Variants in NFATC1 observed in about 807,000 individuals in gnomAD.
The protein encoded by NFATC1 is nuclear factor of activated T cells 1, also known as nuclear factor of activated T-cells, cytoplasmic 1.
NFATC1 carries 22 observed loss-of-function variants against 76.0 expected under a neutral mutation model. That is an observed-to-expected ratio of 0.29 (90% CI 0.21 to 0.41). The LOEUF (loss-of-function observed/expected upper bound fraction) is 0.41. NFATC1 is among the 10% of genes least tolerant of loss of function. The pLI is 1.00. For missense variants in NFATC1, 1,357 were observed against 1,337.7 expected (o/e 1.01, Z -0.23); for synonymous variants, 704 against 613.1 (o/e 1.15, Z -2.19).
At chr18:79,426,981 G>A (rs1033595647) in intron 2 of NFATC1, among the ~76,000 whole-genome samples, 7 of 152,242 alleles carry the variant, frequency 4.6e-5, no homozygotes, top group African/African-American at 7.2e-5. Context: ...GAAGCCTGCC[G>A]GCATGGGTTG....
chr18:79,396,217 C>T lies in NFATC1; in HGVS notation c.-8C>T. ...CCCGCCGCTCCACTCCCCGCCGCCG[C>T]CGCGCGGATGCCAAGCACCAGCTTT... On this transcript the variant is annotated 5_prime_UTR_variant, in exon 1 of 10. Transcript: ENST00000427363. The T allele has an allele frequency of 3.4e-6, 5 of 1,483,056 alleles. No individual in the cohort carries two copies. Among genetic ancestry groups the T allele is most frequent in the South Asian group, 2.5e-5 (2 of 80,166 alleles). The allele number at this position is 1,483,056 out of a possible 1,614,324, so 91.9% of individuals were successfully genotyped here. A position where few individuals can be genotyped will look rare whatever the true frequency, so the allele number is the denominator to read the frequency against.
At chr18:79,511,587 G>C (rs951815415) in intron 9 of NFATC1, among the ~76,000 whole-genome samples, 3 of 152,178 alleles carry the variant, frequency 2.0e-5, no homozygotes, top group Non-Finnish European at 2.9e-5. Context: ...CGTAGCCTGA[G>C]CTGTGGAGGG....
intron 6 of NFATC1, among the ~76,000 whole-genome samples, chr18:79,452,363 GGT>G (rs2087512440): frequency 6.6e-6 from 1 of 152,232 alleles, no homozygotes; most frequent in Non-Finnish European, 1.5e-5. Context: ...CCTGCCTCCA[GGT>G]GTTGCGCTGG....
chr18:79,513,081 C>T (rs555910608), intron 9 of NFATC1, among the ~76,000 whole-genome samples: 7 of 152,222 alleles, frequency 4.6e-5, no homozygotes, highest in Admixed American at 3.3e-4. Flanking sequence ...GTATCACTTT[C>T]GAACGCTCGG....
At chr18:79,441,576 G>T (rs1194195047) in intron 3 of NFATC1, among the ~76,000 whole-genome samples, 1 of 152,198 alleles carries the variant, frequency 6.6e-6, no homozygotes, top group Non-Finnish European at 1.5e-5. Flanking sequence ...GGTGGGCTGT[G>T]ACCTGAGCCC....
At position 79,492,560 on chromosome 18, in the gene NFATC1, T is replaced by A. The variant is rs2089710855; in HGVS notation, c.2782+5623T>A. On this transcript the variant is annotated intron_variant, in intron 9 of 9. Transcript: ENST00000427363. ...CCATCTCTACTAAAAATACAAAAAA[T>A]TAGCCGGGAGTGGTGGCGGGCGCCT... Among the ~76,000 whole-genome samples the A allele has an allele frequency of 2.0e-5, 3 of 152,018 alleles. No individual in the cohort carries two copies. In the South Asian group the frequency reaches 6.2e-4, roughly 32 times the overall value.
chr18:79,409,502 C>T (rs1174240963), intron 1 of NFATC1, among the ~76,000 whole-genome samples: 1 of 151,850 alleles, frequency 6.6e-6, no homozygotes, highest in Admixed American at 6.6e-5. Context: ...TTCATCCATC[C>T]ATCCGTTTAG....
intron 2 of NFATC1, among the ~76,000 whole-genome samples, chr18:79,419,239 A>G (rs11875260): frequency 0.27 from 41,758 of 152,062 alleles, 8,891 homozygotes; most frequent in African/African-American, 0.6. Context: ...TCCAGGGCTG[A>G]TCTGGAACTC....
chr18:79,469,629 C>T (rs1015517486), intron 8 of NFATC1: 15 of 985,842 alleles, frequency 1.5e-5, no homozygotes, highest in African/African-American at 1.7e-5. Flanking sequence ...CCCAGTGTCT[C>T]GGCTGCACCC....
chr18:79,511,669 T>G (rs111304587), intron 9 of NFATC1, among the ~76,000 whole-genome samples: 9,250 of 152,096 alleles, frequency 0.061, 411 homozygotes, highest in Admixed American at 0.096. Context: ...CCTGAGGCAG[T>G]CAGGGCCTGG....
chr18:79,524,669 A>G lies in NFATC1; in HGVS notation c.2783-2859A>G, dbSNP rs886866161. 3.9e-5 allele frequency among the ~76,000 whole-genome samples: 6 copies of G among 152,120 alleles called. 1 individual carries two copies. Among genetic ancestry groups the G allele is most frequent in the East Asian group, 3.9e-4 (2 of 5,162 alleles). On this transcript the variant is annotated intron_variant, in intron 9 of 9. Transcript: ENST00000427363. The surrounding 1 kb of genome is among the most constrained non-coding windows in gnomAD (Gnocchi z 7.2). ...AGGTCGGCCCTCCTCCCCTCCCGAG[A>G]GCTCAGCAGCCGCAGACCCAGGCAG...
intron 3 of NFATC1, among the ~76,000 whole-genome samples, chr18:79,439,570 G>T (rs770154197): frequency 1.4e-4 from 22 of 152,224 alleles, no homozygotes; most frequent in Admixed American, 2.6e-4. Context: ...TCACTTCCCT[G>T]GACTGCTAAG....
Position 79,485,313 on chromosome 18 carries a change from C to T in NFATC1, c.2093-935C>T, listed in dbSNP as rs191303406. On this transcript the variant is annotated intron_variant, in intron 8 of 9. Coordinates refer to ENST00000427363, the MANE Select transcript of NFATC1 (RefSeq NM_001278669.2). ...CACGCGTCTGTTAGGAATGTATGTGCGCCATTGTGAGAGCTTTAGAGCCAC... is the reference window on the plus strand; with the variant it reads ...CACGCGTCTGTTAGGAATGTATGTGTGCCATTGTGAGAGCTTTAGAGCCAC... Among the ~76,000 whole-genome samples the T allele has an allele frequency of 4.1e-3, 629 of 152,340 alleles. 3 individuals carry two copies. The highest frequency in any genetic ancestry group is 0.014 in the African/African-American group (598 of 41,578).
chr18:79,436,303 G>A (rs1046574173), intron 3 of NFATC1, among the ~76,000 whole-genome samples: 13 of 152,338 alleles, frequency 8.5e-5, no homozygotes, highest in East Asian at 5.8e-4. Context: ...ACTGGGAGCC[G>A]TTGGGAACAA....
chr18:79,494,844 G>A (rs1300019847), intron 9 of NFATC1, among the ~76,000 whole-genome samples: 2 of 95,428 alleles, frequency 2.1e-5, no homozygotes, highest in Admixed American at 1.1e-4. Context: ...CGCCCCCCAT[G>A]AACCTGGTGC....
In NFATC1 at chr18:79,517,072, G is replaced by A. The variant is rs533909445; in HGVS notation, c.2783-10456G>A. Among the ~76,000 whole-genome samples, 7 of 152,266 alleles carry A rather than the reference G, an allele frequency of 4.6e-5. No individual in the cohort carries two copies. The East Asian group carries it at 1.3e-3, about 29-fold the overall frequency. On this transcript the variant is annotated intron_variant, in intron 9 of 9. Coordinates refer to ENST00000427363, the MANE Select transcript of NFATC1 (RefSeq NM_001278669.2). ...TAAGGTTTTCAACCACCATCAAATGGCGTTCTTACTCCAAGAATTATTAGA... is the reference window on the plus strand; with the variant it reads ...TAAGGTTTTCAACCACCATCAAATGACGTTCTTACTCCAAGAATTATTAGA...
In NFATC1 at chr18:79,464,694, A is replaced by ATATATATT. The variant is rs1568994689; in HGVS notation, c.1960-2755_1960-2754insATATATTT. Among the ~76,000 whole-genome samples, 4 of 106,718 alleles carry ATATATATT rather than the reference A, an allele frequency of 3.7e-5. 1 individual carries two copies. The highest frequency in any genetic ancestry group is 9.8e-5 in the African/African-American group (2 of 20,466). The allele number at this position is 106,718 out of a possible 152,430, so 70.0% of individuals were successfully genotyped here. On this transcript the variant is annotated intron_variant, in intron 7 of 9. Coordinates refer to ENST00000427363, the MANE Select transcript of NFATC1 (RefSeq NM_001278669.2). ...TGTATATGTATGTGTATATATATAT[A>ATATATATT]TTTATTTATTTATTTATTTTTTTTT...
In NFATC1 at chr18:79,411,484, C is replaced by G; in HGVS notation, c.1209C>G (p.Ser403=). Residue 403 remains serine (S), a synonymous_variant, in exon 2 of 10, where the codon TCC becomes TCG. Transcript: ENST00000427363. ...AGTGGGCGAAGCCCAAGCCCCTGTC[C>G]CCTACGTCCTACATGAGGTGAGCCG... The part of the protein sequence containing the change: ...PYQWAKPKPL[S]PTSYMSPTLP... The G allele has an allele frequency of 6.6e-7, 1 of 1,507,786 alleles. No homozygotes were observed. The highest frequency in any genetic ancestry group is 8.8e-7 in the Non-Finnish European group (1 of 1,130,306). The allele number at this position is 1,507,786 out of a possible 1,614,324, so 93.4% of individuals were successfully genotyped here.
At chr18:79,477,679 T>C (rs528135309) in intron 8 of NFATC1, among the ~76,000 whole-genome samples, 1 of 151,868 alleles carries the variant, frequency 6.6e-6, no homozygotes, top group Non-Finnish European at 1.5e-5. Flanking sequence ...TCTCAGTCTT[T>C]GGGGCTTCCA....
Sources: allele counts gnomAD v4.1 joint callset (sites outside exome capture counted in the v4.1 genomes callset), GRCh38; gene constraint gnomAD v4.1.1; non-coding constraint Gnocchi (gnomAD v3.1); transcripts MANE v1.5; gene names NCBI Gene and HGNC (gene_info 2026-07-23, HGNC 2026-07-21).